The following FUBP3 variants were observed in gnomAD, a reference collection of about 807,000 sequenced individuals.
The protein encoded by FUBP3 is far upstream element-binding protein 3.
Under a neutral mutation model 85.6 loss-of-function variants are expected in FUBP3, and 28 were observed. The ratio of observed to expected loss-of-function variants is 0.33; its 90% CI spans 0.24 to 0.45. The LOEUF (loss-of-function observed/expected upper bound fraction) is 0.45. Among genes scored for constraint, FUBP3 ranks in the 20% least tolerant of loss-of-function variants. FUBP3 has a pLI of 1.00. For missense variants in FUBP3, 583 were observed against 755.1 expected, an observed-to-expected ratio of 0.77 and a Z score of 2.67; for synonymous variants, 271 against 271.4, an observed-to-expected ratio of 1.00 and a Z score of 0.01.
At chr9:130,601,629 T>G (rs1831158481) in intron 2 of FUBP3, among the ~76,000 whole-genome samples, 1 of 152,034 alleles carries the variant, frequency 6.6e-6, no homozygotes, top group Admixed American at 6.6e-5. Flanking sequence ...TCCTTTTTAT[T>G]CTTTTTACTT....
At chr9:130,617,109 A>G (rs139922308) in intron 7 of FUBP3, among the ~76,000 whole-genome samples, 2 of 152,352 alleles carry the variant, frequency 1.3e-5, no homozygotes, top group East Asian at 1.9e-4. Context: ...TAACACTCCC[A>G]GCAAGTTCTG....
At chr9:130,609,461 G>T (rs1487330644) in intron 2 of FUBP3, among the ~76,000 whole-genome samples, 1 of 141,038 alleles carries the variant, frequency 7.1e-6, no homozygotes, top group Non-Finnish European at 1.6e-5. Flanking sequence ...CGGCGAGGGG[G>T]GCACCAGGGG....
intron 2 of FUBP3, among the ~76,000 whole-genome samples, chr9:130,603,438 C>T (rs1263883729): frequency 4.0e-5 from 6 of 151,894 alleles, no homozygotes; most frequent in Admixed American, 1.3e-4. Flanking sequence ...TGTGCCCTAC[C>T]CCCCTACCTC....
chr9:130,603,362 A>AC (rs897572778), intron 2 of FUBP3, among the ~76,000 whole-genome samples: 8 of 145,038 alleles, frequency 5.5e-5, no homozygotes, highest in African/African-American at 2.1e-4. Context: ...AAAAAAAAAA[A>AC]AAAAAACAAA....
chr9:130,606,344 T>A (rs1337577643), intron 2 of FUBP3, among the ~76,000 whole-genome samples: 1 of 151,996 alleles, frequency 6.6e-6, no homozygotes, highest in Non-Finnish European at 1.5e-5. Flanking sequence ...AAGATTTGGG[T>A]TATTTGTTTT....
At chr9:130,598,392 A>G (rs1311657134) in intron 2 of FUBP3, among the ~76,000 whole-genome samples, 1 of 152,230 alleles carries the variant, frequency 6.6e-6, no homozygotes. Flanking sequence ...TGAAAGGCTG[A>G]ATGAGTTGTG....
chr9:130,635,652 G>A lies in FUBP3; in HGVS notation c.1583-347G>A, dbSNP rs1226606813. On this transcript the variant is annotated intron_variant, in intron 17 of 18. Transcript: ENST00000319725. The surrounding 1 kb of genome is among the most constrained non-coding windows in gnomAD (Gnocchi z 4.3). The stretch of plus-strand genomic sequence containing the variant: ...ACACTATCACAGGCACCCAAGTTAG[G>A]TACTCCCCTTCTCCCCCACCCCCAC... Among the ~76,000 whole-genome samples, 1 of 152,106 alleles carries A rather than the reference G, an allele frequency of 6.6e-6. No individual in the cohort carries two copies. The highest frequency in any genetic ancestry group is 6.5e-5 in the Admixed American group (1 of 15,272).
intron 16 of FUBP3, among the ~76,000 whole-genome samples, 193 bp downstream of exon 16, chr9:130,632,471 G>C (rs1369411998): frequency 6.6e-6 from 1 of 152,238 alleles, no homozygotes; most frequent in African/African-American, 2.4e-5. Context: ...CTCAGAAAAA[G>C]GCCCCAAGGG....
rs752562301 is a variant in FUBP3, at chr9:130,616,427, C to G, written c.477C>G (p.Asp159Glu). The change falls in exon 7 of 19, where the codon GAC becomes GAG. Residue 159 changes from aspartate (D) to glutamate (E), a missense_variant. Physicochemically the swap from Asp to Glu is conservative, Grantham distance 45. This residue lies in a region of FUBP3 where 177 missense variants were observed against 221.9 expected (regional missense o/e 0.80). Transcript: ENST00000319725. The surrounding 1 kb of genome is among the most constrained non-coding windows in gnomAD (Gnocchi z 4.7). ...GACCTGGCTTTCATAATGACATAGA[C>G]AGCAACAGCACAATCCAGGAGATTC... ...RNGPGFHNDI[D>E]SNSTIQEILI... is the part of the protein sequence containing the mutation. The G allele has an allele frequency of 4.3e-6, 7 of 1,613,708 alleles. No individual in the cohort carries two copies. The highest frequency in any genetic ancestry group is 5.9e-6 in the Non-Finnish European group (7 of 1,179,730).
At chr9:130,622,630 CAAA>C (rs35428077) in intron 9 of FUBP3, 75 bp from the exon 10 acceptor site, 1,085 of 505,684 alleles carry the variant, frequency 2.1e-3, no homozygotes, top group South Asian at 4.3e-3. Context: ...GACTCAGTCT[CAAA>C]AAAAAAAAAA....
At chr9:130,589,668 TG>T (rs1564190659) in intron 1 of FUBP3, among the ~76,000 whole-genome samples, 2,542 of 100,684 alleles carry the variant, frequency 0.025, 261 homozygotes, top group East Asian at 0.11. Context: ...TATGTATGTA[TG>T]TGTGTGTATA....
chr9:130,601,515 C>T (rs958627194), intron 2 of FUBP3, among the ~76,000 whole-genome samples: 27 of 152,168 alleles, frequency 1.8e-4, no homozygotes, highest in African/African-American at 6.3e-4. Context: ...ACTGTCCTCA[C>T]CACTGGGGTG....
rs144517402 is a variant in FUBP3, at chr9:130,589,985, G to A, written c.85-5498G>A. Among the ~76,000 whole-genome samples, 462 of 142,810 alleles carry A rather than the reference G, an allele frequency of 3.2e-3. 3 individuals are homozygous for A. Among genetic ancestry groups the A allele is most frequent in the African/African-American group, 0.011 (424 of 38,172 alleles). The allele number at this position is 142,810 out of a possible 152,430, so 93.7% of individuals were successfully genotyped here. ...CCTACCCCAGCCTTCCAAGTGCTGG[G>A]ATTACAGATATGAGCCACCACACCC... On this transcript the variant is annotated intron_variant, in intron 1 of 18. Transcript: ENST00000319725.
chr9:130,596,344 ACCCAATCATTTATGTT>A (rs1180617340), intron 2 of FUBP3, among the ~76,000 whole-genome samples: 3 of 152,168 alleles, frequency 2.0e-5, no homozygotes, highest in African/African-American at 7.2e-5. Context: ...GTCGCTATGT[ACCCAATCATTTATGTT>A]TGTACATATT....
In FUBP3 at chr9:130,632,663, C is replaced by A. The variant is rs565715922; in HGVS notation, c.1510+385C>A. ...GGGCTGGTTCCTGGCCCTCCAACTC[C>A]CTGCCCCTGCCTTGGGTGGCTGCCT... is the stretch of plus-strand genomic sequence containing the variant. On this transcript the variant is annotated intron_variant, in intron 16 of 18. Coordinates refer to ENST00000319725, the MANE Select transcript of FUBP3 (RefSeq NM_003934.2). 2.0e-3 allele frequency among the ~76,000 whole-genome samples: 302 copies of A among 152,352 alleles called. 1 individual carries two copies. Among genetic ancestry groups the A allele is most frequent in the Non-Finnish European group, 3.8e-3 (259 of 68,038 alleles).
intron 2 of FUBP3, among the ~76,000 whole-genome samples, chr9:130,603,318 G>GCC (rs1037413765): frequency 7.3e-6 from 1 of 137,180 alleles, no homozygotes; most frequent in Non-Finnish European, 1.5e-5. Flanking sequence ...CTGCACTCCA[G>GCC]CCTGGGCGAC....
At chr9:130,618,850 A>C (rs1255102871) in intron 8 of FUBP3, among the ~76,000 whole-genome samples, 3 of 152,172 alleles carry the variant, frequency 2.0e-5, no homozygotes, top group South Asian at 2.1e-4. Context: ...GTCAAGGTAC[A>C]CCTGTAAAAT....
intron 9 of FUBP3, among the ~76,000 whole-genome samples, chr9:130,622,370 G>A (rs1053592819): frequency 2.7e-5 from 4 of 146,648 alleles, no homozygotes; most frequent in African/African-American, 5.1e-5. Context: ...AGTGGCTCAC[G>A]CCTGTAATCC....
intron 10 of FUBP3, among the ~76,000 whole-genome samples, chr9:130,623,247 ATT>A (rs957809895): frequency 2.6e-5 from 4 of 152,146 alleles, no homozygotes; most frequent in Non-Finnish European, 5.9e-5. Context: ...AATGAGCAAA[ATT>A]TTCGACGTGG....
Sources: allele counts gnomAD v4.1 joint callset (sites outside exome capture counted in the v4.1 genomes callset), GRCh38; gene constraint gnomAD v4.1.1; regional missense constraint gnomAD v4.1.1; non-coding constraint Gnocchi (gnomAD v3.1); transcripts MANE v1.5; gene names NCBI Gene and HGNC (gene_info 2026-07-23, HGNC 2026-07-21).